ZNF48: variants seen among roughly 807,000 people sequenced by gnomAD.
The protein encoded by ZNF48 is zinc finger protein 553.
In ZNF48, 20 loss-of-function variants were observed where a neutral mutation model predicts 40.0. That is an observed-to-expected ratio of 0.50 (90% CI 0.35 to 0.73). The LOEUF (loss-of-function observed/expected upper bound fraction) is 0.73. ZNF48 is among the 30% of genes least tolerant of loss of function. ZNF48 has a pLI of 0.01. For synonymous variants in ZNF48, 298 were observed against 329.7 expected (o/e 0.90, Z 1.04); for missense variants, 726 against 851.9 (o/e 0.85, Z 1.84).
chr16:30,395,029 C>G (rs2049968251), upstream of ZNF48: 2 of 289,036 alleles, frequency 6.9e-6, no homozygotes, highest in South Asian at 2.5e-5. This position sits in a 1 kb window ranked among gnomAD's most constrained non-coding sequence, Gnocchi z 5.9. Context: ...CGCCCCGCCC[C>G]GCCCCGTCTG....
At chr16:30,379,444 T>C (rs1361377902) in intron 1 of ZNF48, 1 of 1,613,358 alleles carries the variant, frequency 6.2e-7, no homozygotes, top group Non-Finnish European at 8.5e-7. Context: ...CCCTCCACGG[T>C]CCCCCAGGAG....
At chr16:30,380,794 G>T in intron 1 of ZNF48, 2 of 330,276 alleles carry the variant, frequency 6.1e-6, no homozygotes, top group Non-Finnish European at 1.1e-5. Context: ...GAGAAAGAGA[G>T]GCCGAGAGAG....
upstream of ZNF48, among the ~76,000 whole-genome samples, chr16:30,391,641 G>A (rs542597670): frequency 2.0e-5 from 3 of 151,822 alleles, no homozygotes; most frequent in South Asian, 4.2e-4. Context: ...GATTACAGGC[G>A]CGTACCACCA....
rs369451372 is a variant in ZNF48, at chr16:30,387,285, T to C, written c.-15-8495T>C. On this transcript the variant is annotated intron_variant, in intron 1 of 2. Coordinates refer to the ZNF48 transcript ENST00000528032. ...AAGACAGTGTTTCGGCGGGGCGCCA[T>C]GGCTCACTCCTGTAATCCCAGCACT... Among the ~76,000 whole-genome samples, 70 of 141,448 alleles carry C rather than the reference T, an allele frequency of 4.9e-4. No homozygotes were observed. The East Asian group carries it at 1.0e-2, about 20-fold the overall frequency. The allele number at this position is 141,448 out of a possible 152,430, so 92.8% of individuals were successfully genotyped here.
chr16:30,393,938 G>A (rs917726991), upstream of ZNF48, among the ~76,000 whole-genome samples: 2 of 150,524 alleles, frequency 1.3e-5, no homozygotes, highest in African/African-American at 2.4e-5. Context: ...GGCTGGTTTC[G>A]AACTAGTGGC....
In ZNF48 at chr16:30,395,556, C is replaced by T. The variant is rs2049974897; in HGVS notation, c.-38C>T. ...GGAGCTCCGGAGGGCGCCGGGGTGG[C>T]GGAGCCGGAGGCGGCCGGCAAGGTG... On this transcript the variant is annotated 5_prime_UTR_variant, in exon 1 of 3. Transcript: ENST00000613509. The surrounding 1 kb of genome is among the most constrained non-coding windows in gnomAD (Gnocchi z 5.9). 1.8e-5 allele frequency: 4 copies of T among 221,670 alleles called. No individual in the cohort carries two copies. The highest frequency in any genetic ancestry group is 7.1e-5 in the South Asian group (1 of 14,134). 13.7% of individuals were successfully genotyped at this position (221,670 alleles called of 1,614,324 possible). A position where few individuals can be genotyped will look rare whatever the true frequency, so the allele number is the denominator to read the frequency against.
chr16:30,388,836 G>A (rs916982568), intron 1 of ZNF48, among the ~76,000 whole-genome samples: 8 of 152,110 alleles, frequency 5.3e-5, no homozygotes, highest in African/African-American at 7.2e-5. Context: ...AGAGGTTGCA[G>A]TGAGCCGAGA....
Position 30,395,622 on chromosome 16 carries a change from G to T in ZNF48, c.-16+44G>T. ...CGCTGGGAGGAGCAGCAGGTGCAGG[G>T]GCGGCCGGCGGCGCGGGCAGGGGGC... On this transcript the variant is annotated intron_variant, in intron 1 of 2. Transcript: ENST00000613509. The surrounding 1 kb of genome is among the most constrained non-coding windows in gnomAD (Gnocchi z 5.9). The T allele has an allele frequency of 3.0e-6, 1 of 328,184 alleles. No individual in the cohort carries two copies. The highest frequency in any genetic ancestry group is 1.3e-4 in the South Asian group (1 of 7,834). The allele number at this position is 328,184 out of a possible 1,614,324, so 20.3% of individuals were successfully genotyped here.
Position 30,382,027 on chromosome 16 carries a change from T to A in ZNF48, c.-16+3617T>A. The stretch of plus-strand genomic sequence containing the variant: ...GCAGTCAACTACCTGAGTCCCCAGA[T>A]GGAAAAGACTAGGGTGTAACCTGGG... On this transcript the variant is annotated intron_variant, in intron 1 of 2. Transcript: ENST00000528032. This position sits in a 1 kb window ranked among gnomAD's most constrained non-coding sequence, Gnocchi z 4.8. 1 of 1,595,644 alleles carries A rather than the reference T, an allele frequency of 6.3e-7. No homozygotes were observed. The highest frequency in any genetic ancestry group is 1.1e-5 in the South Asian group (1 of 89,968).
At position 30,397,472 on chromosome 16, in the gene ZNF48, C is replaced by G; in HGVS notation, c.222C>G (p.Asn74Lys). 6.2e-7 allele frequency: 1 copy of G among 1,614,124 alleles called. No homozygotes were observed. The stretch of plus-strand genomic sequence containing the variant: ...CTCTCAAACCTGAAGGCATCCAGAA[C>G]TGGGATGACTTATGGGTCCAGAGAG... ...NASLKPEGIQ[N>K]WDDLWVQREG... Residue 74 changes from asparagine (N) to lysine (K), a missense_variant, in exon 3 of 3, where the codon AAC becomes AAG. Asn to Lys is a moderately conservative substitution (Grantham distance 94). This residue lies in a region of ZNF48 where 151 missense variants were observed against 162.3 expected (regional missense o/e 0.93). Coordinates refer to ENST00000613509, the MANE Select transcript of ZNF48 (RefSeq NM_001214909.2). This position sits in a 1 kb window ranked among gnomAD's most constrained non-coding sequence, Gnocchi z 4.1.
upstream of ZNF48, among the ~76,000 whole-genome samples, chr16:30,393,662 G>C (rs1300853883): frequency 6.6e-6 from 1 of 152,156 alleles, no homozygotes; most frequent in African/African-American, 2.4e-5. Flanking sequence ...TGGGATTACA[G>C]GTGTGAGCCA....
Position 30,398,384 on chromosome 16 carries a change from CCTCA to C in ZNF48, c.1140_1143del (p.His381TrpfsTer16). The C allele has an allele frequency of 1.2e-6, 2 of 1,612,852 alleles. No homozygotes were observed. The highest frequency in any genetic ancestry group is 1.7e-5 in the Admixed American group (1 of 59,974). ...TCAGCTCCACCCTTCTTCGCCACCG[CCTCA>C]CTCACATGGAGCCCCAGGACTTCAG... On this transcript the variant is annotated frameshift_variant, in exon 3 of 3. Transcript: ENST00000613509. LOFTEE classifies it high-confidence loss of function. The surrounding 1 kb of genome is among the most constrained non-coding windows in gnomAD (Gnocchi z 6.6).
intron 1 of ZNF48, chr16:30,379,128 T>G (rs1028333487): frequency 2.5e-6 from 4 of 1,613,804 alleles, no homozygotes; most frequent in Non-Finnish European, 3.4e-6. Context: ...CCTGCAGGTG[T>G]GTCTGCACCA....
At chr16:30,385,824 G>A (rs560751303) in intron 1 of ZNF48, among the ~76,000 whole-genome samples, 11 of 149,540 alleles carry the variant, frequency 7.4e-5, no homozygotes, top group Admixed American at 2.0e-4. Context: ...AGAATAACAT[G>A]TTTAAAGGAA....
In ZNF48 at chr16:30,397,390, A is replaced by G. The variant is rs143011040; in HGVS notation, c.140A>G (p.Asp47Gly). 469 of 1,613,966 alleles carry G rather than the reference A, an allele frequency of 2.9e-4. No homozygotes were observed. Among genetic ancestry groups the G allele is most frequent in the Middle Eastern group, 4.9e-4 (3 of 6,084 alleles). ...GAGTTTGAACATACCCCACAGGAAG[A>G]TGACTTGGGGTTCAAGGAAGAAGAT... is the stretch of plus-strand genomic sequence containing the variant. ...PNEFEHTPQE[D>G]DLGFKEEDLA... The change falls in exon 3 of 3, where the codon GAT becomes GGT. Residue 47 changes from aspartate to glycine, a missense_variant. Physicochemically the swap from Asp to Gly is moderately conservative, Grantham distance 94. Around this residue, in one of 5 missense-constraint regions of ZNF48, gnomAD observed 151 missense variants for 162.3 expected, o/e 0.93. Coordinates refer to ENST00000613509, the MANE Select transcript of ZNF48 (RefSeq NM_001214909.2). The surrounding 1 kb of genome is among the most constrained non-coding windows in gnomAD (Gnocchi z 4.1).
At chr16:30,390,690 G>A (rs867998478), upstream of ZNF48, among the ~76,000 whole-genome samples, 1 of 133,926 alleles carries the variant, frequency 7.5e-6, no homozygotes, top group African/African-American at 2.9e-5. Context: ...GTGTGATCTC[G>A]GCTCACTGCA....
chr16:30,399,017 C>G lies in ZNF48; in HGVS notation c.1767C>G (p.His589Gln). ...GTGACAGTTCTGCCCGCATCAAGCA[C>G]CAGCGTGGGCACCTGGTCCTGACGC... ...GFGDSSARIK[H>Q]QRGHLVLTPF... The change falls in exon 3 of 3, where the codon CAC (histidine) becomes CAG (glutamine). Residue 589 changes from histidine (H) to glutamine (Q), a missense_variant. Physicochemically the swap from His to Gln is conservative, Grantham distance 24. This residue lies in a region of ZNF48 where 166 missense variants were observed against 163.6 expected (regional missense o/e 1.01). Coordinates refer to ENST00000613509, the MANE Select transcript of ZNF48 (RefSeq NM_001214909.2). The G allele has an allele frequency of 6.2e-7, 1 of 1,613,896 alleles. No individual in the cohort carries two copies. Among genetic ancestry groups the G allele is most frequent in the Non-Finnish European group, 8.5e-7 (1 of 1,179,944 alleles).
upstream of ZNF48, chr16:30,395,142 G>A (rs762664604): frequency 9.6e-4 from 433 of 449,258 alleles, 1 homozygote; most frequent in Non-Finnish European, 1.6e-3. The surrounding 1 kb of genome is among the most constrained non-coding windows in gnomAD (Gnocchi z 5.9). Context: ...CGGAGTGGCT[G>A]GCGCTGTCGG....
chr16:30,395,091 G>C (rs1026271528), upstream of ZNF48: 9 of 382,716 alleles, frequency 2.4e-5, no homozygotes, highest in Non-Finnish European at 4.3e-5. The surrounding 1 kb of genome is among the most constrained non-coding windows in gnomAD (Gnocchi z 5.9). Context: ...CCCTTTCCCC[G>C]GGTCCGTCTT....
Sources: gnomAD v4.1 joint callset for allele counts (sites outside exome capture counted in the v4.1 genomes callset) on GRCh38, gnomAD v4.1.1 for gene constraint, gnomAD v4.1.1 regional missense constraint, Gnocchi (gnomAD v3.1) non-coding constraint, MANE v1.5 for transcripts, NCBI Gene and HGNC (gene_info 2026-07-23, HGNC 2026-07-21) for gene names.